GRM8: variants seen among roughly 807,000 people sequenced by gnomAD.
The protein encoded by GRM8 is metabotropic glutamate receptor 8.
GRM8 carries 47 observed loss-of-function variants against 87.2 expected under a neutral mutation model. The observed-to-expected ratio is 0.54, with a 90% confidence interval of 0.43 to 0.69. The LOEUF (loss-of-function observed/expected upper bound fraction) is 0.69, where lower values mean the gene tolerates loss of function less well. GRM8 is among the 30% of genes least tolerant of loss of function. The pLI is 0.00. For synonymous variants in GRM8, 396 were observed against 404.5 expected, an observed-to-expected ratio of 0.98 and a Z score of 0.25; for missense variants, 1,019 against 1,139.2, an observed-to-expected ratio of 0.89 and a Z score of 1.52.
chr7:126,729,171 C>T (rs1314478828), intron 7 of GRM8, among the ~76,000 whole-genome samples: 1 of 152,200 alleles, frequency 6.6e-6, no homozygotes, highest in Non-Finnish European at 1.5e-5. Flanking sequence ...TTCATTTTCT[C>T]ACGTGGCACC....
intron 10 of GRM8, among the ~76,000 whole-genome samples, chr7:126,444,662 C>T (rs1179601991): frequency 6.6e-6 from 1 of 151,970 alleles, no homozygotes; most frequent in Non-Finnish European, 1.5e-5. Flanking sequence ...GTAGACAATG[C>T]TTATCTAGAA....
At chr7:126,875,726 C>T (rs1250885462) in intron 6 of GRM8, among the ~76,000 whole-genome samples, 2 of 151,912 alleles carry the variant, frequency 1.3e-5, no homozygotes, top group Non-Finnish European at 2.9e-5. Flanking sequence ...GTGGTTATTG[C>T]CTTAGGTCAG....
intron 7 of GRM8, among the ~76,000 whole-genome samples, chr7:126,704,648 T>A (rs1810296539): frequency 6.6e-6 from 1 of 152,124 alleles, no homozygotes; most frequent in Non-Finnish European, 1.5e-5. Context: ...GATAGGTCTC[T>A]GAAATGGACC....
At chr7:127,119,649 G>A (rs1027636094) in intron 2 of GRM8, among the ~76,000 whole-genome samples, 1 of 152,142 alleles carries the variant, frequency 6.6e-6, no homozygotes, top group Non-Finnish European at 1.5e-5. Flanking sequence ...GATTGCTTAG[G>A]AAAAGCTAAC....
intron 6 of GRM8, among the ~76,000 whole-genome samples, chr7:126,792,784 C>T (rs543940004): frequency 1.6e-4 from 24 of 152,298 alleles, no homozygotes; most frequent in African/African-American, 5.5e-4. Context: ...CTATGGGAAA[C>T]AGAAGTAGCT....
intron 7 of GRM8, among the ~76,000 whole-genome samples, chr7:126,715,088 A>G (rs927176961): frequency 6.6e-6 from 1 of 152,176 alleles, no homozygotes; most frequent in African/African-American, 2.4e-5. Flanking sequence ...GTTTCTTGGG[A>G]GCACTTCAAG....
At chr7:126,836,944 C>A (rs1161351578) in intron 6 of GRM8, among the ~76,000 whole-genome samples, 1 of 152,070 alleles carries the variant, frequency 6.6e-6, no homozygotes, top group South Asian at 2.1e-4. Flanking sequence ...CATCCAATTT[C>A]TCTGAGCTTT....
intron 7 of GRM8, among the ~76,000 whole-genome samples, chr7:126,712,064 A>C (rs1201805611): frequency 6.6e-6 from 1 of 152,226 alleles, no homozygotes; most frequent in Non-Finnish European, 1.5e-5. Flanking sequence ...GCTAGCTGGC[A>C]CAAGAGGCTT....
intron 2 of GRM8, among the ~76,000 whole-genome samples, chr7:127,188,290 C>G (rs1794841340): frequency 6.6e-6 from 1 of 152,144 alleles, no homozygotes; most frequent in Admixed American, 6.5e-5. Flanking sequence ...GTCATTGGTT[C>G]TAAATGATTA....
intron 3 of GRM8, among the ~76,000 whole-genome samples, chr7:127,048,135 AAC>A (rs1819121595): frequency 6.6e-6 from 1 of 152,244 alleles, no homozygotes; most frequent in South Asian, 2.1e-4. Context: ...TGAAAAAAGG[AAC>A]ACACAGAAAA....
At chr7:126,803,383 C>CTTAGTAGTT (rs1470954331) in intron 6 of GRM8, among the ~76,000 whole-genome samples, 1 of 152,304 alleles carries the variant, frequency 6.6e-6, no homozygotes, top group African/African-American at 2.4e-5. Context: ...ACTACTTACA[C>CTTAGTAGTT]AGCCTCCAGC....
intron 1 of GRM8, among the ~76,000 whole-genome samples, chr7:127,249,947 A>G (rs1446813288): frequency 2.6e-5 from 4 of 152,180 alleles, no homozygotes; most frequent in Non-Finnish European, 5.9e-5. Context: ...TTCAAGCAGC[A>G]TCTTCTTTTA....
At chr7:126,968,501 C>A (rs570153306) in intron 3 of GRM8, among the ~76,000 whole-genome samples, 1 of 152,116 alleles carries the variant, frequency 6.6e-6, no homozygotes, top group African/African-American at 2.4e-5. Context: ...CAATCCTAAG[C>A]ATTAAATGGT....
intron 8 of GRM8, among the ~76,000 whole-genome samples, chr7:126,544,952 G>A (rs1816972709): frequency 1.3e-5 from 2 of 152,128 alleles, no homozygotes; most frequent in South Asian, 4.1e-4. Flanking sequence ...TATATCAGAA[G>A]CAAAAAGTCA....
chr7:127,203,777 G>C (rs1336452076), intron 2 of GRM8, among the ~76,000 whole-genome samples: 1 of 151,624 alleles, frequency 6.6e-6, no homozygotes, highest in African/African-American at 2.4e-5. Flanking sequence ...TCAAAAAAAA[G>C]GGGGGTGAGG....
chr7:126,893,294 C>T (rs1801243439), intron 6 of GRM8, among the ~76,000 whole-genome samples: 1 of 151,928 alleles, frequency 6.6e-6, no homozygotes, highest in Admixed American at 6.6e-5. Context: ...TAAAATTTGA[C>T]TGATTTTATA....
At chr7:126,690,542 C>G (rs1448729931) in intron 7 of GRM8, among the ~76,000 whole-genome samples, 1 of 152,162 alleles carries the variant, frequency 6.6e-6, no homozygotes, top group Non-Finnish European at 1.5e-5. Context: ...CAGGGAGTTC[C>G]TTGGTCTGGG....
At chr7:127,176,967 A>C (rs1017112127) in intron 2 of GRM8, among the ~76,000 whole-genome samples, 2 of 152,160 alleles carry the variant, frequency 1.3e-5, no homozygotes, top group African/African-American at 4.8e-5. Flanking sequence ...CTCTAGCTGA[A>C]CTTTGTAACA....
chr7:126,696,091 G>A (rs1166092766), intron 7 of GRM8, among the ~76,000 whole-genome samples: 2 of 152,176 alleles, frequency 1.3e-5, no homozygotes, highest in Admixed American at 6.5e-5. Context: ...AAGAAGGCTT[G>A]ATTGAAGGTA....
Sources: allele counts gnomAD v4.1 joint callset (sites outside exome capture counted in the v4.1 genomes callset), GRCh38; gene constraint gnomAD v4.1.1; transcripts MANE v1.5; gene names NCBI Gene and HGNC (gene_info 2026-07-23, HGNC 2026-07-21).